DLG1: variants seen among roughly 807,000 people sequenced by gnomAD.
The protein encoded by DLG1 is disks large homolog 1.
Under a neutral mutation model 123.4 loss-of-function variants are expected in DLG1, and 42 were observed. That is an observed-to-expected ratio of 0.34 (90% confidence interval 0.27 to 0.44). The LOEUF (loss-of-function observed/expected upper bound fraction) is 0.44, where lower values mean the gene tolerates loss of function less well. DLG1 is among the 20% of genes least tolerant of loss of function. The pLI, the probability that DLG1 is intolerant of heterozygous loss-of-function variation, is 1.00. For synonymous variants in DLG1, 317 were observed against 356.2 expected, an observed-to-expected ratio of 0.89 and a Z score of 1.24; for missense variants, 942 against 1,082.6, an observed-to-expected ratio of 0.87 and a Z score of 1.82.
intron 5 of DLG1, among the ~76,000 whole-genome samples, chr3:197,166,843 G>C (rs891222133): frequency 6.6e-6 from 1 of 151,822 alleles, no homozygotes; most frequent in Admixed American, 6.6e-5. Flanking sequence ...AGTGAGCCAA[G>C]ATCACGCCAT....
chr3:197,060,953 G>A (rs116750200), intron 22 of DLG1, among the ~76,000 whole-genome samples: 2,663 of 152,204 alleles, frequency 0.017, 73 homozygotes, highest in African/African-American at 0.057. Context: ...ACAGGTGTGC[G>A]CCACCACACC....
At chr3:197,110,096 CCATCTTTCA>C (rs1434857926) in intron 13 of DLG1, among the ~76,000 whole-genome samples, 2 of 152,070 alleles carry the variant, frequency 1.3e-5, no homozygotes, top group African/African-American at 4.8e-5. Flanking sequence ...TCTCTCTTTC[CCATCTTTCA>C]CATACTCCCA....
At chr3:197,109,672 T>C (rs1768693581) in intron 13 of DLG1, among the ~76,000 whole-genome samples, 1 of 152,220 alleles carries the variant, frequency 6.6e-6, no homozygotes, top group Non-Finnish European at 1.5e-5. Flanking sequence ...TTATTTCCTA[T>C]AGGGCAGGTT....
intron 3 of DLG1, among the ~76,000 whole-genome samples, chr3:197,295,482 C>CAAA (rs67590858): frequency 7.0e-6 from 1 of 142,498 alleles, no homozygotes; most frequent in Non-Finnish European, 1.5e-5. Flanking sequence ...ATAACTAAAA[C>CAAA]AAAAAAAAAA....
intron 11 of DLG1, among the ~76,000 whole-genome samples, chr3:197,125,419 G>C (rs777925070): frequency 2.0e-5 from 3 of 152,238 alleles, no homozygotes; most frequent in East Asian, 3.9e-4. Flanking sequence ...GAAGAAGAAG[G>C]GGGCAAAGGA....
chr3:197,245,900 T>TGGGG (rs34147802), intron 4 of DLG1, among the ~76,000 whole-genome samples: 16 of 85,390 alleles, frequency 1.9e-4, no homozygotes, highest in African/African-American at 7.2e-4. Flanking sequence ...TTTTTTTTTT[T>TGGGG]GGGGGGGGGG....
chr3:197,279,959 C>T (rs1223087068), intron 4 of DLG1, among the ~76,000 whole-genome samples: 1 of 152,090 alleles, frequency 6.6e-6, no homozygotes, highest in South Asian at 2.1e-4. Flanking sequence ...TTAGAATATC[C>T]ATCACCTCAA....
At chr3:197,291,152 A>C (rs1457738081) in intron 3 of DLG1, among the ~76,000 whole-genome samples, 2 of 152,202 alleles carry the variant, frequency 1.3e-5, no homozygotes, top group African/African-American at 4.8e-5. Context: ...GCTTCAGAGC[A>C]GTAGTAAGCA....
At chr3:197,278,941 A>T (rs1767879240) in intron 4 of DLG1, among the ~76,000 whole-genome samples, 1 of 152,256 alleles carries the variant, frequency 6.6e-6, no homozygotes, top group Non-Finnish European at 1.5e-5. Flanking sequence ...ACTATATCCA[A>T]GAATTAGTAC....
Position 197,130,654 on chromosome 3 carries a change from T to C in DLG1, c.1038A>G (p.Leu346=), listed in dbSNP as rs1247395301. ...DKLLAVNNVC[L]EEVTHEEAVT... ...CTGCTTCTTCATGAGTAACTTCTTC[T>C]AAACATACGTTATTCACCTAAAAAA... is the stretch of plus-strand genomic sequence containing the variant. Residue 346 remains leucine, a synonymous_variant, in exon 11 of 25, where the codon TTA becomes TTG. Transcript: ENST00000667157. 23 of 1,603,624 alleles carry C rather than the reference T, an allele frequency of 1.4e-5. No homozygotes were observed. Among genetic ancestry groups the C allele is most frequent in the Non-Finnish European group, 1.8e-5 (21 of 1,176,654 alleles).
chr3:197,186,780 G>A (rs561603271), intron 5 of DLG1, among the ~76,000 whole-genome samples: 2 of 152,200 alleles, frequency 1.3e-5, no homozygotes, highest in South Asian at 4.1e-4. Flanking sequence ...GTCTCACTAC[G>A]TTGCCCAGGC....
intron 3 of DLG1, among the ~76,000 whole-genome samples, chr3:197,286,006 T>C (rs897796099): frequency 6.6e-6 from 1 of 152,192 alleles, no homozygotes; most frequent in African/African-American, 2.4e-5. Flanking sequence ...AGATAAACTG[T>C]AGTATGTCCA....
chr3:197,270,231 T>G (rs1763359073), intron 4 of DLG1, among the ~76,000 whole-genome samples: 2 of 152,206 alleles, frequency 1.3e-5, no homozygotes. Context: ...AAGCATATCC[T>G]AAGAAAACAC....
intron 15 of DLG1, among the ~76,000 whole-genome samples, chr3:197,090,194 G>GTGC (rs1756963909): frequency 6.6e-6 from 1 of 151,858 alleles, no homozygotes; most frequent in Admixed American, 6.6e-5. Context: ...ATTACTTACA[G>GTGC]TGCTAATGTT....
At chr3:197,214,752 T>C (rs1448459567) in intron 4 of DLG1, among the ~76,000 whole-genome samples, 2 of 152,062 alleles carry the variant, frequency 1.3e-5, no homozygotes, top group East Asian at 3.8e-4. Context: ...TAATAAAGTC[T>C]TACAAATCAA....
At chr3:197,136,429 T>G in intron 10 of DLG1, 113 bp downstream of exon 10, 1 of 768,958 alleles carries the variant, frequency 1.3e-6, no homozygotes, top group Non-Finnish European at 2.1e-6. Flanking sequence ...AGGCTAGTAT[T>G]TGCTAATTTA....
intron 4 of DLG1, among the ~76,000 whole-genome samples, chr3:197,278,009 G>C (rs942833058): frequency 1.3e-5 from 2 of 151,830 alleles, no homozygotes; most frequent in Non-Finnish European, 2.9e-5. Flanking sequence ...TTGGGGTCGG[G>C]CATGGTGGCT....
chr3:197,187,277 C>G (rs998209457), intron 5 of DLG1, among the ~76,000 whole-genome samples: 25 of 152,114 alleles, frequency 1.6e-4, no homozygotes, highest in African/African-American at 5.8e-4. Flanking sequence ...AAGTTGATTT[C>G]AAAAACTGCT....
intron 4 of DLG1, among the ~76,000 whole-genome samples, chr3:197,271,385 G>C (rs1304001262): frequency 6.6e-6 from 1 of 152,196 alleles, no homozygotes; most frequent in Non-Finnish European, 1.5e-5. Context: ...GTCACACTTA[G>C]TGGCAGGAAG....
Sources: allele counts gnomAD v4.1 joint callset (sites outside exome capture counted in the v4.1 genomes callset), GRCh38; gene constraint gnomAD v4.1.1; transcripts MANE v1.5; gene names NCBI Gene and HGNC (gene_info 2026-07-23, HGNC 2026-07-21).